The following CLVS1 variants were observed in gnomAD, a reference collection of about 807,000 sequenced individuals.
CLVS1 encodes the protein clavesin-1.
A neutral mutation model predicts 33.1 loss-of-function variants in CLVS1; 10 were observed. The ratio of observed to expected loss-of-function variants is 0.30; its 90% CI spans 0.19 to 0.51. CLVS1 has a LOEUF of 0.51. CLVS1 is among the 20% of genes least tolerant of loss of function. The probability of loss-of-function intolerance (pLI) is 0.97; values close to 1 mark genes in which losing one functional copy is unlikely to be tolerated. For missense variants in CLVS1, 343 were observed against 433.4 expected (o/e 0.79, Z 1.85); for synonymous variants, 163 against 166.1 (o/e 0.98, Z 0.14).
chr8:61,194,186 G>A (rs557553822), intron 2 of CLVS1, among the ~76,000 whole-genome samples: 2 of 152,074 alleles, frequency 1.3e-5, no homozygotes, highest in African/African-American at 4.8e-5. Context: ...GAATAAAATG[G>A]TACATTTATC....
At chr8:61,288,223 T>C in intron 1 of CLVS1, 85 bp downstream of exon 1, 1 of 456,332 alleles carries the variant, frequency 2.2e-6, no homozygotes, top group South Asian at 1.5e-5. Flanking sequence ...GCTGCGGCGT[T>C]TCAGCACTTC....
intron 2 of CLVS1, among the ~76,000 whole-genome samples, chr8:61,146,714 G>A (rs1010704316): frequency 6.6e-6 from 1 of 152,240 alleles, no homozygotes; most frequent in South Asian, 2.1e-4. Flanking sequence ...GACAAATGGC[G>A]AGGAGCATTA....
intron 2 of CLVS1, among the ~76,000 whole-genome samples, chr8:61,173,735 T>G (rs1807056121): frequency 6.6e-6 from 1 of 152,148 alleles, no homozygotes; most frequent in Non-Finnish European, 1.5e-5. Flanking sequence ...TGCAGGCCAG[T>G]GTACTAGAGG....
chr8:61,012,589 A>G, the CLVS1 span, among the ~76,000 whole-genome samples: 2 of 152,182 alleles, frequency 1.3e-5, no homozygotes, highest in Non-Finnish European at 2.9e-5. Flanking sequence ...CTGACATTTC[A>G]GCGTGCATGA....
At chr8:61,256,046 C>T (rs1809074076) in intron 2 of CLVS1, among the ~76,000 whole-genome samples, 1 of 152,108 alleles carries the variant, frequency 6.6e-6, no homozygotes, top group Non-Finnish European at 1.5e-5. Context: ...GCACAATCAT[C>T]ACTACCATCT....
chr8:61,029,476 C>T, the CLVS1 span, among the ~76,000 whole-genome samples: 3 of 152,174 alleles, frequency 2.0e-5, no homozygotes, highest in Non-Finnish European at 4.4e-5. Context: ...TCAGGCCTTC[C>T]TTTTCTGCTT....
chr8:61,409,017 A>G (rs1177502871), intron 3 of CLVS1, among the ~76,000 whole-genome samples: 1 of 152,194 alleles, frequency 6.6e-6, no homozygotes, highest in Non-Finnish European at 1.5e-5. Flanking sequence ...CAGGCTTAAA[A>G]GCCCTAAGGG....
chr8:61,424,925 G>T (rs1291149026), intron 3 of CLVS1, among the ~76,000 whole-genome samples: 1 of 152,128 alleles, frequency 6.6e-6, no homozygotes, highest in African/African-American at 2.4e-5. Context: ...TATCCACAAG[G>T]ATATTAAGAA....
the CLVS1 span, among the ~76,000 whole-genome samples, chr8:60,974,734 A>C: frequency 1.3e-5 from 2 of 151,668 alleles, no homozygotes; most frequent in Admixed American, 1.3e-4. Flanking sequence ...AGCCGAGATC[A>C]CGCCACTGCA....
chr8:61,030,257 A>G, the CLVS1 span, among the ~76,000 whole-genome samples: 1 of 149,690 alleles, frequency 6.7e-6, no homozygotes, highest in Non-Finnish European at 1.5e-5. Context: ...GTTTCTCTCC[A>G]TGGAACTTAG....
At chr8:61,177,477 ACAAT>A (rs1203217214) in intron 2 of CLVS1, among the ~76,000 whole-genome samples, 2 of 152,150 alleles carry the variant, frequency 1.3e-5, no homozygotes, top group Non-Finnish European at 2.9e-5. Context: ...CCACCGAGGG[ACAAT>A]CAAAGTGCTT....
the CLVS1 span, among the ~76,000 whole-genome samples, chr8:61,047,867 C>T: frequency 2.0e-5 from 3 of 152,158 alleles, no homozygotes; most frequent in East Asian, 3.9e-4. Context: ...GGGTGCAGCA[C>T]ACCAGCATGG....
intron 2 of CLVS1, among the ~76,000 whole-genome samples, chr8:61,365,776 CGTGT>C (rs112942345): frequency 5.4e-5 from 6 of 110,584 alleles, no homozygotes; most frequent in Non-Finnish European, 1.1e-4. Context: ...TGTGTGTGTG[CGTGT>C]GTGTGTGTGT....
At chr8:61,003,740 A>G in the CLVS1 span, among the ~76,000 whole-genome samples, 1 of 152,190 alleles carries the variant, frequency 6.6e-6, no homozygotes, top group Non-Finnish European at 1.5e-5. Flanking sequence ...TTATTTATTC[A>G]TCTATCCATT....
At chr8:61,212,241 G>C (rs1406920916) in intron 2 of CLVS1, among the ~76,000 whole-genome samples, 2 of 152,228 alleles carry the variant, frequency 1.3e-5, no homozygotes, top group Non-Finnish European at 1.5e-5. Flanking sequence ...GGAACTCCCA[G>C]AAAGCTTTCC....
the CLVS1 span, among the ~76,000 whole-genome samples, chr8:61,048,854 A>G: frequency 6.6e-6 from 1 of 151,636 alleles, no homozygotes; most frequent in South Asian, 2.1e-4. Flanking sequence ...TTTTTTCTGT[A>G]AGGCACTCCC....
Position 61,372,592 on chromosome 8 carries a change from A to AT in CLVS1, c.456-4000dup, listed in dbSNP as rs1211259056. On this transcript the variant is annotated intron_variant, in intron 2 of 5. Coordinates refer to ENST00000325897, the MANE Select transcript of CLVS1 (RefSeq NM_173519.3). ...TCATTAATGTCCATACGTTATTTGG[A>AT]TTTTTTTTTTTTTAGTTTTTACTTA... Among the ~76,000 whole-genome samples, 581 of 143,914 alleles carry AT rather than the reference A, an allele frequency of 4.0e-3. 3 individuals carry two copies. Among genetic ancestry groups the AT allele is most frequent in the Middle Eastern group, 0.015 (4 of 266 alleles). 94.4% of individuals were successfully genotyped at this position (143,914 alleles called of 152,430 possible).
intron 1 of CLVS1, among the ~76,000 whole-genome samples, chr8:61,130,961 AGAG>A (rs1806083420): frequency 6.6e-6 from 1 of 152,260 alleles, no homozygotes; most frequent in Non-Finnish European, 1.5e-5. Flanking sequence ...GCAGGATTTT[AGAG>A]GAGTATTTGG....
At chr8:61,216,119 C>T (rs936749868) in intron 2 of CLVS1, among the ~76,000 whole-genome samples, 13 of 152,152 alleles carry the variant, frequency 8.5e-5, no homozygotes, top group African/African-American at 3.1e-4. Context: ...TTATGGTCAT[C>T]GTGAATTTAG....
Sources: gnomAD v4.1 joint callset for allele counts (sites outside exome capture counted in the v4.1 genomes callset) on GRCh38, gnomAD v4.1.1 for gene constraint, MANE v1.5 for transcripts, NCBI Gene and HGNC (gene_info 2026-07-23, HGNC 2026-07-21) for gene names.